NUAK1: variants seen among roughly 807,000 people sequenced by gnomAD.
The protein encoded by NUAK1 is NUAK family SNF1-like kinase 1.
A neutral mutation model predicts 56.9 loss-of-function variants in NUAK1; 26 were observed. The observed-to-expected ratio is 0.46, with a 90% confidence interval of 0.33 to 0.63. NUAK1 has a LOEUF of 0.63. Among genes scored for constraint, NUAK1 ranks in the 30% least tolerant of loss-of-function variants. The pLI is 0.02. For missense variants in NUAK1, 727 were observed against 876.1 expected, an observed-to-expected ratio of 0.83 and a Z score of 2.15; for synonymous variants, 337 against 336.0, an observed-to-expected ratio of 1.00 and a Z score of -0.03.
In NUAK1 at chr12:106,085,491, A is replaced by C. The variant is rs1388014720; in HGVS notation, c.513+1243T>G. Among the ~76,000 whole-genome samples, 3 of 152,112 alleles carry C rather than the reference A, an allele frequency of 2.0e-5. No individual in the cohort carries two copies. In the East Asian group the frequency reaches 5.8e-4, roughly 29 times the overall value. On this transcript the variant is annotated intron_variant, in intron 3 of 6. Transcript: ENST00000261402. ...TGAGATCATTTATATGAAGAAGTTG[A>C]CTCTGTTTTGGATGCCCTGTTGGAC...
At chr12:106,080,568 C>A (rs1369112193) in intron 4 of NUAK1, among the ~76,000 whole-genome samples, 1 of 152,208 alleles carries the variant, frequency 6.6e-6, no homozygotes, top group Non-Finnish European at 1.5e-5. Context: ...TTTTTAGAAA[C>A]CACACCCTCT....
intron 2 of NUAK1, among the ~76,000 whole-genome samples, chr12:106,099,448 A>T (rs980896294): frequency 2.0e-4 from 30 of 152,178 alleles, no homozygotes; most frequent in Admixed American, 1.6e-3. Flanking sequence ...TCAGATATGT[A>T]AGACAGTAAC....
At chr12:106,117,468 GT>G in intron 1 of NUAK1, among the ~76,000 whole-genome samples, 1 of 152,324 alleles carries the variant, frequency 6.6e-6, no homozygotes, top group Non-Finnish European at 1.5e-5. Flanking sequence ...CCAAGGCAGT[GT>G]TGCTGCTGCT....
chr12:106,107,305 G>A (rs912092981), intron 1 of NUAK1, among the ~76,000 whole-genome samples: 1 of 152,064 alleles, frequency 6.6e-6, no homozygotes, highest in Admixed American at 6.5e-5. Flanking sequence ...GGCAATGAAT[G>A]ACAATAGGAA....
chr12:106,072,449 AT>A (rs1445942419), intron 5 of NUAK1, among the ~76,000 whole-genome samples: 1 of 152,200 alleles, frequency 6.6e-6, no homozygotes, highest in East Asian at 1.9e-4. Flanking sequence ...AGAGATCTAC[AT>A]TGGGAAAAGT....
chr12:106,087,344 G>A (rs1206316111), intron 2 of NUAK1, among the ~76,000 whole-genome samples: 1 of 152,140 alleles, frequency 6.6e-6, no homozygotes, highest in East Asian at 1.9e-4. Flanking sequence ...CCCATCTCAG[G>A]CAAATAAAAC....
chr12:106,110,348 C>G (rs1181205011), intron 1 of NUAK1, among the ~76,000 whole-genome samples: 1 of 152,102 alleles, frequency 6.6e-6, no homozygotes, highest in East Asian at 1.9e-4. Context: ...AAAAGGGAGC[C>G]AGCGCGACTG....
Position 106,075,247 on chromosome 12 carries a change from C to T in NUAK1, c.580-2404G>A, listed in dbSNP as rs2032448463. Among the ~76,000 whole-genome samples, 3 of 150,608 alleles carry T rather than the reference C, an allele frequency of 2.0e-5. No homozygotes were observed. The South Asian group carries it at 6.3e-4, about 32-fold the overall frequency. On this transcript the variant is annotated intron_variant, in intron 4 of 6. Transcript: ENST00000261402. ...AAGATTAATAGAAATCTAGATTAGC[C>T]TGTGTTCTTGGCACTTCGATGGGAA...
chr12:106,115,425 T>C (rs1340119802), intron 1 of NUAK1, among the ~76,000 whole-genome samples: 1 of 152,208 alleles, frequency 6.6e-6, no homozygotes, highest in Admixed American at 6.5e-5. Flanking sequence ...TATAGCAATG[T>C]ACAAGACCTA....
Position 106,138,764 on chromosome 12 carries a change from A to G in NUAK1, c.-111T>C. The stretch of plus-strand genomic sequence containing the variant: ...GTACGCTCAAGGTCGCCCCCGCAGC[A>G]TCAGGGAGGCGGCCCGATACCGCTC... On this transcript the variant is annotated 5_prime_UTR_variant, in exon 1 of 7. An upstream start codon of the reference 5' UTR is lost. Coordinates refer to ENST00000261402, the MANE Select transcript of NUAK1 (RefSeq NM_014840.3). The surrounding 1 kb of genome is among the most constrained non-coding windows in gnomAD (Gnocchi z 5.0). 1.4e-6 allele frequency: 2 copies of G among 1,380,556 alleles called. No individual in the cohort carries two copies. The highest frequency in any genetic ancestry group is 1.9e-6 in the Non-Finnish European group (2 of 1,062,824). 85.5% of individuals were successfully genotyped at this position (1,380,556 alleles called of 1,614,324 possible). A position where few individuals can be genotyped will look rare whatever the true frequency, so the allele number is the denominator to read the frequency against.
At position 106,108,067 on chromosome 12, in the gene NUAK1, G is replaced by A. The variant is rs753611560; in HGVS notation, c.241-1542C>T. On this transcript the variant is annotated intron_variant, in intron 1 of 6. Transcript: ENST00000261402. ...GCAGGTAGGCAGGTAGATAAAAAAC[G>A]AAGGAAAGATGAAGGGAAGGAGGAA... Among the ~76,000 whole-genome samples the A allele has an allele frequency of 6.6e-5, 10 of 152,076 alleles. No homozygotes were observed. In the East Asian group the frequency reaches 7.7e-4, roughly 12 times the overall value.
In NUAK1 at chr12:106,066,606, A is replaced by G. The variant is rs759926432; in HGVS notation, c.*196T>C. The G allele has an allele frequency of 4.9e-6, 3 of 613,038 alleles. No individual in the cohort carries two copies. Among genetic ancestry groups the G allele is most frequent in the African/African-American group, 1.8e-5 (1 of 54,316 alleles). The allele number at this position is 613,038 out of a possible 1,614,324, so 38.0% of individuals were successfully genotyped here. On this transcript the variant is annotated 3_prime_UTR_variant, in exon 7 of 7. Coordinates refer to ENST00000261402, the MANE Select transcript of NUAK1 (RefSeq NM_014840.3). ...AACAGGGCCCAAATTCTGACTGACA[A>G]TTGACAGAACTGGCAGAAGAGCCCA... is the stretch of plus-strand genomic sequence containing the variant.
chr12:106,106,340 G>C, intron 2 of NUAK1, 65 bp downstream of exon 2: 1 of 1,436,286 alleles, frequency 7.0e-7, no homozygotes, highest in East Asian at 2.4e-5. Context: ...TCAAAGTCTT[G>C]GCAGGCCCCA....
At chr12:106,090,507 A>G (rs554364854) in intron 2 of NUAK1, among the ~76,000 whole-genome samples, 8 of 152,274 alleles carry the variant, frequency 5.3e-5, no homozygotes, top group African/African-American at 1.9e-4. Context: ...GAGGATCCCC[A>G]TTTTACAGAT....
chr12:106,086,695 C>T, intron 3 of NUAK1, 39 bp downstream of exon 3: 1 of 1,576,866 alleles, frequency 6.3e-7, no homozygotes, highest in East Asian at 2.3e-5. Flanking sequence ...GCCATAAAAA[C>T]CATCTACGGC....
At chr12:106,123,588 T>C (rs971781983) in intron 1 of NUAK1, among the ~76,000 whole-genome samples, 1 of 152,236 alleles carries the variant, frequency 6.6e-6, no homozygotes, top group Non-Finnish European at 1.5e-5. Context: ...CCATGTGCTA[T>C]ATCAAATGCC....
intron 2 of NUAK1, among the ~76,000 whole-genome samples, chr12:106,100,991 T>C (rs1258327866): frequency 1.3e-5 from 2 of 152,274 alleles, no homozygotes; most frequent in Non-Finnish European, 2.9e-5. Flanking sequence ...AGCAAATTAA[T>C]GCATTTCTGC....
chr12:106,072,633 T>C (rs12425925), intron 5 of NUAK1, 91 bp downstream of exon 5: 1 of 1,420,284 alleles, frequency 7.0e-7, no homozygotes, highest in Non-Finnish European at 9.6e-7. Flanking sequence ...TAGGCTCTGT[T>C]TTTTTAAGCA....
intron 1 of NUAK1, among the ~76,000 whole-genome samples, chr12:106,112,896 C>A (rs1592859214): frequency 6.6e-6 from 1 of 152,298 alleles, no homozygotes; most frequent in East Asian, 1.9e-4. Context: ...AAAATTTAAT[C>A]CTCTGTAACT....
Sources: allele counts gnomAD v4.1 joint callset (sites outside exome capture counted in the v4.1 genomes callset), GRCh38; gene constraint gnomAD v4.1.1; non-coding constraint Gnocchi (gnomAD v3.1); transcripts MANE v1.5; gene names NCBI Gene and HGNC (gene_info 2026-07-23, HGNC 2026-07-21).